Variants in CLNK observed in about 807,000 individuals in gnomAD.
CLNK encodes the protein cytokine dependent hematopoietic cell linker.
A neutral mutation model predicts 68.6 loss-of-function variants in CLNK; 74 were observed. That is an observed-to-expected ratio of 1.08 (90% CI 0.89 to 1.31). The LOEUF is 1.31. CLNK is among the 50% of genes most tolerant of loss of function. The pLI, the probability that CLNK is intolerant of heterozygous loss-of-function variation, is 0.00. For missense variants in CLNK, 553 were observed against 515.3 expected (o/e 1.07, Z -0.71); for synonymous variants, 198 against 172.2 (o/e 1.15, Z -1.17).
intron 3 of CLNK, among the ~76,000 whole-genome samples, chr4:10,593,877 C>G (rs1721283213): frequency 6.6e-6 from 1 of 152,138 alleles, no homozygotes; most frequent in African/African-American, 2.4e-5. Context: ...TGACACTGTT[C>G]CTAGCATCGC....
intron 4 of CLNK, among the ~76,000 whole-genome samples, chr4:10,584,288 A>C (rs1240046131): frequency 2.0e-5 from 3 of 151,884 alleles, no homozygotes; most frequent in Non-Finnish European, 2.9e-5. Context: ...ACTCCTTATG[A>C]CTCCATCGCT....
the CLNK span, among the ~76,000 whole-genome samples, chr4:10,695,596 T>C: frequency 1.3e-5 from 2 of 152,142 alleles, no homozygotes; most frequent in African/African-American, 4.8e-5. Context: ...GATCTTATGA[T>C]AACAGAAGCA....
intron 2 of CLNK, among the ~76,000 whole-genome samples, chr4:10,622,660 C>A (rs965076609): frequency 2.6e-5 from 4 of 152,298 alleles, no homozygotes; most frequent in East Asian, 3.9e-4. Context: ...CAAATGCATA[C>A]CAAATTCATA....
chr4:10,726,303 T>C, the CLNK span, among the ~76,000 whole-genome samples: 1 of 152,164 alleles, frequency 6.6e-6, no homozygotes, highest in African/African-American at 2.4e-5. Context: ...GTATTTTTAG[T>C]GGAGATAAGG....
At chr4:10,680,950 G>T (rs1018040082) in intron 1 of CLNK, among the ~76,000 whole-genome samples, 1 of 152,134 alleles carries the variant, frequency 6.6e-6, no homozygotes. Context: ...AGCTGATCGG[G>T]AGATCCCTAG....
intron 2 of CLNK, among the ~76,000 whole-genome samples, chr4:10,626,149 C>G (rs893133993): frequency 2.1e-4 from 32 of 152,288 alleles, no homozygotes; most frequent in African/African-American, 7.5e-4. Flanking sequence ...GTCCGCCTGC[C>G]CAGTACAGCT....
chr4:10,691,445 A>G, the CLNK span, among the ~76,000 whole-genome samples: 1 of 152,178 alleles, frequency 6.6e-6, no homozygotes, highest in African/African-American at 2.4e-5. Context: ...GTGAGTAGGG[A>G]AAAGAACCAA....
the CLNK span, among the ~76,000 whole-genome samples, chr4:10,726,164 A>G: frequency 3.0e-4 from 45 of 152,006 alleles, no homozygotes; most frequent in African/African-American, 9.2e-4. Flanking sequence ...TTACCTTCAC[A>G]TGGCTGGAGT....
At chr4:10,574,695 A>G (rs1239509431) in intron 4 of CLNK, among the ~76,000 whole-genome samples, 2 of 152,208 alleles carry the variant, frequency 1.3e-5, no homozygotes, top group Admixed American at 1.3e-4. Context: ...AGTAAAAACT[A>G]AAAGGCAGAA....
chr4:10,556,030 C>T (rs12508670), intron 8 of CLNK, among the ~76,000 whole-genome samples: 2 of 152,252 alleles, frequency 1.3e-5, no homozygotes, highest in Non-Finnish European at 2.9e-5. Flanking sequence ...CTCAACCTCT[C>T]TGAGCCTTGC....
chr4:10,640,255 C>T (rs1723259877), intron 2 of CLNK, among the ~76,000 whole-genome samples: 1 of 152,112 alleles, frequency 6.6e-6, no homozygotes, highest in Non-Finnish European at 1.5e-5. Flanking sequence ...ACCTCAGCCT[C>T]CTCAGTTCAA....
chr4:10,534,419 C>A (rs762030608), intron 11 of CLNK, among the ~76,000 whole-genome samples: 1 of 152,052 alleles, frequency 6.6e-6, no homozygotes, highest in African/African-American at 2.4e-5. Context: ...AAAGATATTA[C>A]CTTTTACTAT....
At chr4:10,504,702 G>A (rs1717215936) in intron 17 of CLNK, among the ~76,000 whole-genome samples, 1 of 152,178 alleles carries the variant, frequency 6.6e-6, no homozygotes, top group Admixed American at 6.5e-5. Context: ...AGATCAGAAG[G>A]AGAGAAGAGG....
At chr4:10,610,541 A>G (rs1437860397) in intron 2 of CLNK, among the ~76,000 whole-genome samples, 1 of 152,112 alleles carries the variant, frequency 6.6e-6, no homozygotes, top group African/African-American at 2.4e-5. Context: ...GAACCTAGAC[A>G]AAGAGAGGCC....
chr4:10,572,931 C>G (rs1001137012), intron 4 of CLNK, among the ~76,000 whole-genome samples: 1 of 152,100 alleles, frequency 6.6e-6, no homozygotes, highest in Non-Finnish European at 1.5e-5. Flanking sequence ...TGGGTTCAAG[C>G]GATTCTCGTG....
chr4:10,670,853 T>TAAC (rs1724599442), intron 1 of CLNK, among the ~76,000 whole-genome samples: 1 of 152,216 alleles, frequency 6.6e-6, no homozygotes, highest in Non-Finnish European at 1.5e-5. Context: ...GCCAAATTGC[T>TAAC]AACACCTAGG....
chr4:10,593,383 G>A (rs1225969072), intron 3 of CLNK, among the ~76,000 whole-genome samples: 2 of 152,224 alleles, frequency 1.3e-5, no homozygotes, highest in South Asian at 2.1e-4. Context: ...GGCGGGGCAC[G>A]GTGGCTCATG....
At chr4:10,538,578 T>C (rs571468330) in intron 11 of CLNK, among the ~76,000 whole-genome samples, 8 of 152,374 alleles carry the variant, frequency 5.3e-5, no homozygotes, top group Non-Finnish European at 1.2e-4. Context: ...TTGGATGGTC[T>C]GTTATTATTG....
At chr4:10,490,781 C>T (rs1158164277) in intron 18 of CLNK, among the ~76,000 whole-genome samples, 168 bp from the exon 19 acceptor site, 1 of 151,954 alleles carries the variant, frequency 6.6e-6, no homozygotes, top group African/African-American at 2.4e-5. Flanking sequence ...TTGTTTTTTT[C>T]TGAGACGTTG....
Sources: gnomAD v4.1 joint callset for allele counts (sites outside exome capture counted in the v4.1 genomes callset) on GRCh38, gnomAD v4.1.1 for gene constraint, MANE v1.5 for transcripts, NCBI Gene and HGNC (gene_info 2026-07-23, HGNC 2026-07-21) for gene names.